DLG2: variants seen among roughly 807,000 people sequenced by gnomAD.
DLG2 encodes discs large MAGUK scaffold protein 2.
A neutral mutation model predicts 132.5 loss-of-function variants in DLG2; 45 were observed. That is an observed-to-expected ratio of 0.34 (90% confidence interval 0.27 to 0.44). The LOEUF is 0.44. Ranked by LOEUF, DLG2 falls within the 20% of genes least tolerant of loss-of-function variation. The pLI is 1.00. For synonymous variants in DLG2, 424 were observed against 419.6 expected, an observed-to-expected ratio of 1.01 and a Z score of -0.13; for missense variants, 1,045 against 1,196.9, an observed-to-expected ratio of 0.87 and a Z score of 1.87.
chr11:84,144,060 T>C (rs1359000700), intron 9 of DLG2, among the ~76,000 whole-genome samples: 1 of 152,120 alleles, frequency 6.6e-6, no homozygotes, highest in East Asian at 1.9e-4. Flanking sequence ...ATGGACATTT[T>C]AAAGCATGTC....
chr11:84,306,130 C>T (rs1431378896), intron 7 of DLG2, among the ~76,000 whole-genome samples: 1 of 150,600 alleles, frequency 6.6e-6, no homozygotes, highest in Non-Finnish European at 1.5e-5. Context: ...TAATAGATTT[C>T]ACACGTTTTT....
chr11:84,848,303 G>A (rs572121285), intron 6 of DLG2, among the ~76,000 whole-genome samples: 21 of 152,094 alleles, frequency 1.4e-4, no homozygotes, highest in Non-Finnish European at 2.5e-4. Context: ...AGACTAGCCT[G>A]GACAACATAG....
chr11:83,674,835 G>A lies in DLG2; in HGVS notation c.1826-41510C>T, dbSNP rs147963081. 5.9e-3 allele frequency among the ~76,000 whole-genome samples: 904 copies of A among 152,278 alleles called. 13 individuals are homozygous for A. The highest frequency in any genetic ancestry group is 0.021 in the African/African-American group (862 of 41,562). On this transcript the variant is annotated intron_variant, in intron 18 of 27. Transcript: ENST00000376104. Reference sequence around the variant, plus strand: ...GCAAGAAGAAATATACTTTGATTCTGTTTATTGCTATTATTGTCTGTTCTT... The same window carrying A: ...GCAAGAAGAAATATACTTTGATTCTATTTATTGCTATTATTGTCTGTTCTT...
chr11:84,226,475 T>G (rs1051068052), intron 8 of DLG2, among the ~76,000 whole-genome samples: 1 of 152,156 alleles, frequency 6.6e-6, no homozygotes, highest in African/African-American at 2.4e-5. Flanking sequence ...CATAAATCCC[T>G]AACAATGTGA....
At chr11:84,498,592 T>C (rs1333090145) in intron 7 of DLG2, among the ~76,000 whole-genome samples, 1 of 151,968 alleles carries the variant, frequency 6.6e-6, no homozygotes, top group Non-Finnish European at 1.5e-5. Flanking sequence ...AAACACTGGG[T>C]GTAAATAGAA....
intron 3 of DLG2, among the ~76,000 whole-genome samples, chr11:85,498,637 G>A (rs7123714): frequency 6.6e-6 from 1 of 152,064 alleles, no homozygotes; most frequent in Non-Finnish European, 1.5e-5. Flanking sequence ...ATTCTTCTCA[G>A]CACCACATCG....
chr11:84,861,646 A>AC (rs1385117241), intron 6 of DLG2, among the ~76,000 whole-genome samples: 3 of 142,438 alleles, frequency 2.1e-5, no homozygotes, highest in Non-Finnish European at 3.1e-5. Context: ...AAAACAAAAA[A>AC]AAAAACCTAT....
At chr11:84,831,243 G>T (rs2079022086) in intron 6 of DLG2, among the ~76,000 whole-genome samples, 1 of 151,510 alleles carries the variant, frequency 6.6e-6, no homozygotes, top group African/African-American at 2.4e-5. Context: ...AAGGGCAAGT[G>T]AGAGATTAGA....
chr11:83,812,777 T>G (rs543561663), intron 17 of DLG2, among the ~76,000 whole-genome samples: 2 of 152,256 alleles, frequency 1.3e-5, no homozygotes, highest in African/African-American at 4.8e-5. Flanking sequence ...CTAGGTACCA[T>G]AGAGTGTGAG....
At chr11:84,578,938 A>T (rs1045216915) in intron 6 of DLG2, among the ~76,000 whole-genome samples, 1 of 152,070 alleles carries the variant, frequency 6.6e-6, no homozygotes, top group African/African-American at 2.4e-5. Flanking sequence ...GGTCTTTCCC[A>T]AGGTATTCTT....
intron 6 of DLG2, among the ~76,000 whole-genome samples, chr11:84,791,277 C>T (rs1198919794): frequency 6.6e-6 from 1 of 152,104 alleles, no homozygotes; most frequent in African/African-American, 2.4e-5. Context: ...TGGCTGAGGA[C>T]CCAGAGCCAA....
At chr11:83,584,581 T>A (rs1454057353) in intron 19 of DLG2, among the ~76,000 whole-genome samples, 1 of 152,220 alleles carries the variant, frequency 6.6e-6, no homozygotes, top group Non-Finnish European at 1.5e-5. Flanking sequence ...GATTGTGTGA[T>A]GAATAATAGA....
chr11:84,497,829 C>T (rs1037554255), intron 7 of DLG2, among the ~76,000 whole-genome samples: 6 of 152,110 alleles, frequency 3.9e-5, no homozygotes, highest in African/African-American at 1.4e-4. Context: ...GGCACAGATC[C>T]GCATTACCTT....
chr11:84,107,561 A>T (rs2093053454), intron 9 of DLG2, among the ~76,000 whole-genome samples: 2 of 152,102 alleles, frequency 1.3e-5, no homozygotes, highest in Admixed American at 1.3e-4. Flanking sequence ...CACACACATT[A>T]TACTTGTACA....
Position 83,917,426 on chromosome 11 carries a change from C to T in DLG2, c.1496+12902G>A, listed in dbSNP as rs143840430. On this transcript the variant is annotated intron_variant, in intron 15 of 27. Transcript: ENST00000376104. ...GCATCCACATATGGTGAAACTTCTC[C>T]AGAGCATCTGATATTGACACATGTT... 7.2e-5 allele frequency among the ~76,000 whole-genome samples: 11 copies of T among 152,074 alleles called. No individual in the cohort carries two copies. The East Asian group carries it at 2.1e-3, about 29-fold the overall frequency.
rs1334406415 is a variant in DLG2, at chr11:83,457,351, T to C, written c.*2467A>G. ...CAAGACAACACAACAAATGGAGGTG[T>C]AAATTCTATTGGAAAAGACCCTCTC... On this transcript the variant is annotated 3_prime_UTR_variant, in exon 28 of 28. Transcript: ENST00000376104. The C allele has an allele frequency of 2.6e-5, 4 of 152,686 alleles. No homozygotes were observed. The highest frequency in any genetic ancestry group is 3.4e-3 in the Middle Eastern group (1 of 294). 9.5% of individuals were successfully genotyped at this position (152,686 alleles called of 1,614,324 possible).
chr11:84,565,488 T>C (rs1007785732), intron 6 of DLG2, among the ~76,000 whole-genome samples: 5 of 152,182 alleles, frequency 3.3e-5, no homozygotes, highest in Non-Finnish European at 5.9e-5. Context: ...GAAAACTCTG[T>C]GAGTCATACA....
intron 6 of DLG2, among the ~76,000 whole-genome samples, chr11:84,787,632 G>C (rs2073136806): frequency 6.6e-6 from 1 of 152,026 alleles, no homozygotes; most frequent in African/African-American, 2.4e-5. Context: ...AATATTCTGA[G>C]CCTTGTGTCT....
At position 84,296,961 on chromosome 11, in the gene DLG2, G is replaced by A. The variant is rs534202543; in HGVS notation, c.520-45670C>T. On this transcript the variant is annotated intron_variant, in intron 7 of 27. Coordinates refer to ENST00000376104, the MANE Select transcript of DLG2 (RefSeq NM_001142699.3). ...TAGAGAAAGGGTCAAGACCTAAAGA[G>A]GGGGGAAAGGGTCAATAGCAGATAT... Among the ~76,000 whole-genome samples, 324 of 152,110 alleles carry A rather than the reference G, an allele frequency of 2.1e-3. 1 individual carries two copies. The highest frequency in any genetic ancestry group is 3.8e-3 in the Non-Finnish European group (260 of 68,002).
Sources: gnomAD v4.1 joint callset for allele counts (sites outside exome capture counted in the v4.1 genomes callset) on GRCh38, gnomAD v4.1.1 for gene constraint, MANE v1.5 for transcripts, NCBI Gene and HGNC (gene_info 2026-07-23, HGNC 2026-07-21) for gene names.